PCDH15: variants seen among roughly 807,000 people sequenced by gnomAD.
PCDH15 encodes the protein protocadherin-15.
In PCDH15, 129 loss-of-function variants were observed where a neutral mutation model predicts 178.5. That is an observed-to-expected ratio of 0.72 (90% CI 0.63 to 0.84). The LOEUF (loss-of-function observed/expected upper bound fraction) is 0.84. Ranked by LOEUF, PCDH15 falls within the 40% of genes least tolerant of loss-of-function variation. The probability of loss-of-function intolerance (pLI) is 0.00; values close to 1 mark genes in which losing one functional copy is unlikely to be tolerated. For synonymous variants in PCDH15, 800 were observed against 732.0 expected (o/e 1.09, Z -1.50); for missense variants, 2,230 against 2,099.9 (o/e 1.06, Z -1.21).
intron 2 of PCDH15, among the ~76,000 whole-genome samples, chr10:55,473,761 G>T (rs986152911): frequency 6.6e-6 from 1 of 152,054 alleles, no homozygotes; most frequent in African/African-American, 2.4e-5. Context: ...AATTTGGTAT[G>T]CTTTTTCTCT....
At chr10:55,567,818 C>A (rs1483630380) in intron 2 of PCDH15, among the ~76,000 whole-genome samples, 1 of 151,778 alleles carries the variant, frequency 6.6e-6, no homozygotes. Context: ...ACTTGTTACA[C>A]CGTTGGCACA....
intron 1 of PCDH15, among the ~76,000 whole-genome samples, chr10:55,172,024 A>G (rs1042146647): frequency 2.0e-5 from 3 of 152,060 alleles, no homozygotes; most frequent in Admixed American, 6.5e-5. Context: ...AAACAATAAC[A>G]TAAACTCTTC....
intron 27 of PCDH15, among the ~76,000 whole-genome samples, chr10:53,864,810 T>C (rs1016230256): frequency 6.6e-6 from 1 of 151,828 alleles, no homozygotes; most frequent in Non-Finnish European, 1.5e-5. Context: ...AAATAATAAA[T>C]AAATAAATAA....
rs188382436 is a variant in PCDH15 at position 54,556,312 on chromosome 10, T to G, written c.92-28435A>C. Among the ~76,000 whole-genome samples, 1,148 of 152,266 alleles carry G rather than the reference T, an allele frequency of 7.5e-3. 13 individuals are homozygous for G. The highest frequency in any genetic ancestry group is 0.034 in the Middle Eastern group (10 of 294). On this transcript the variant is annotated intron_variant, in intron 2 of 37. Transcript: ENST00000644397. ...TACCTGGACAGTTTTACTGCAGAAG[T>G]GTACTGAGGCACCCAGGTACCTTAT...
intron 16 of PCDH15, among the ~76,000 whole-genome samples, chr10:54,083,305 GT>G (rs2094464153): frequency 6.6e-6 from 1 of 152,010 alleles, no homozygotes; most frequent in African/African-American, 2.4e-5. Context: ...CCAAACACAG[GT>G]ACTTAAATAC....
intron 28 of PCDH15, among the ~76,000 whole-genome samples, chr10:53,848,992 T>C (rs1288830950): frequency 6.6e-6 from 1 of 152,132 alleles, no homozygotes; most frequent in African/African-American, 2.4e-5. Context: ...ATCTCATTTA[T>C]CTCTTTTTGA....
At chr10:53,971,180 C>T (rs1337900551) in intron 21 of PCDH15, among the ~76,000 whole-genome samples, 2 of 152,110 alleles carry the variant, frequency 1.3e-5, no homozygotes, top group Non-Finnish European at 2.9e-5. Flanking sequence ...GAACCAAAGA[C>T]AAAAACCACA....
At chr10:54,002,072 T>C (rs1423620200) in intron 20 of PCDH15, among the ~76,000 whole-genome samples, 1 of 135,210 alleles carries the variant, frequency 7.4e-6, no homozygotes, top group East Asian at 2.0e-4. Context: ...TACATGTATA[T>C]ATATACATAT....
At chr10:54,782,112 T>C (rs755282849) in intron 1 of PCDH15, among the ~76,000 whole-genome samples, 3 of 152,168 alleles carry the variant, frequency 2.0e-5, no homozygotes, top group African/African-American at 7.2e-5. Flanking sequence ...AAGTATTCCA[T>C]GCAGAACAGC....
chr10:55,391,158 A>G (rs966544928), intron 2 of PCDH15, among the ~76,000 whole-genome samples: 7 of 151,968 alleles, frequency 4.6e-5, no homozygotes, highest in Admixed American at 1.3e-4. Context: ...CTTATCAACT[A>G]TCTTAGCTAG....
chr10:55,141,345 CT>C (rs1186490233), intron 2 of PCDH15, among the ~76,000 whole-genome samples: 1 of 151,930 alleles, frequency 6.6e-6, no homozygotes, highest in African/African-American at 2.4e-5. Context: ...TTGAAAAGAA[CT>C]GGGTTAGAGT....
chr10:55,549,585 G>A (rs187231381), intron 2 of PCDH15, among the ~76,000 whole-genome samples: 2 of 152,230 alleles, frequency 1.3e-5, no homozygotes, highest in African/African-American at 4.8e-5. Flanking sequence ...AATGAGGTGG[G>A]CTAAAAGTAG....
At chr10:54,958,799 G>T (rs1838562931) in intron 2 of PCDH15, among the ~76,000 whole-genome samples, 1 of 151,620 alleles carries the variant, frequency 6.6e-6, no homozygotes, top group Non-Finnish European at 1.5e-5. Context: ...AAAATGACCA[G>T]AATACTTAAA....
intron 2 of PCDH15, among the ~76,000 whole-genome samples, chr10:55,139,290 GATTA>G (rs1838284850): frequency 6.6e-6 from 1 of 151,840 alleles, no homozygotes; most frequent in Non-Finnish European, 1.5e-5. Flanking sequence ...TTTTACTTTT[GATTA>G]ATTTTAAAAT....
intron 28 of PCDH15, among the ~76,000 whole-genome samples, chr10:53,847,085 G>A (rs2078024511): frequency 6.6e-6 from 1 of 151,908 alleles, no homozygotes; most frequent in Admixed American, 6.6e-5. Flanking sequence ...CAAAGTTTCA[G>A]GGAATTTATC....
chr10:55,566,116 A>T lies in PCDH15; in HGVS notation c.-156+61509T>A, dbSNP rs531057015. 3.3e-5 allele frequency among the ~76,000 whole-genome samples: 5 copies of T among 151,870 alleles called. No individual in the cohort carries two copies. In the East Asian group the frequency reaches 5.8e-4, roughly 18 times the overall value. ...TGATTACAGACCGCAAGCAAAAGAG[A>T]TTTATTAATATTAATGGAAATCAAA... is the stretch of plus-strand genomic sequence containing the variant. On this transcript the variant is annotated intron_variant, in intron 2 of 5. Coordinates refer to the PCDH15 transcript ENST00000613346.
chr10:55,027,224 G>A (rs1049572659), intron 2 of PCDH15, among the ~76,000 whole-genome samples: 1 of 151,800 alleles, frequency 6.6e-6, no homozygotes, highest in Non-Finnish European at 1.5e-5. Context: ...AAGGACAGGA[G>A]GGTGACATGC....
chr10:54,387,984 G>A (rs367706148), intron 3 of PCDH15, among the ~76,000 whole-genome samples: 35 of 152,204 alleles, frequency 2.3e-4, no homozygotes, highest in Admixed American at 7.2e-4. Context: ...GGAGTAATGG[G>A]GAGTTATTGA....
chr10:54,458,052 G>T (rs182683662), intron 3 of PCDH15, among the ~76,000 whole-genome samples: 1 of 152,154 alleles, frequency 6.6e-6, no homozygotes, highest in Admixed American at 6.6e-5. Context: ...TTACAATAGG[G>T]TGTGTATTTC....
Sources: gnomAD v4.1 joint callset for allele counts (sites outside exome capture counted in the v4.1 genomes callset) on GRCh38, gnomAD v4.1.1 for gene constraint, MANE v1.5 for transcripts, NCBI Gene and HGNC (gene_info 2026-07-23, HGNC 2026-07-21) for gene names.